SLC5A8: variants seen among roughly 807,000 people sequenced by gnomAD.
SLC5A8 encodes solute carrier family 5 member 8.
A neutral mutation model predicts 71.9 loss-of-function variants in SLC5A8; 55 were observed. That is an observed-to-expected ratio of 0.77 (90% CI 0.62 to 0.96). The LOEUF is 0.96. SLC5A8 is among the 40% of genes least tolerant of loss of function. The pLI is 0.00. For missense variants in SLC5A8, 701 were observed against 745.3 expected (o/e 0.94, Z 0.69); for synonymous variants, 307 against 276.1 (o/e 1.11, Z -1.11).
At chr12:101,198,490 GAGGGTA>G (rs1566323424) in intron 3 of SLC5A8, among the ~76,000 whole-genome samples, 1 of 151,906 alleles carries the variant, frequency 6.6e-6, no homozygotes, top group Non-Finnish European at 1.5e-5. Context: ...AGCATAACAA[GAGGGTA>G]TTATATGCAG....
chr12:101,193,857 G>A, intron 4 of SLC5A8, 78 bp from the exon 5 acceptor site: 1 of 1,398,804 alleles, frequency 7.1e-7, no homozygotes, highest in Admixed American at 2.2e-5. Flanking sequence ...CACTATACTG[G>A]AGAAAAATGA....
chr12:101,190,564 A>G lies in SLC5A8; in HGVS notation c.737T>C (p.Ile246Thr), dbSNP rs760081694. 1.2e-6 allele frequency: 2 copies of G among 1,613,242 alleles called. No individual in the cohort carries two copies. The highest frequency in any genetic ancestry group is 1.3e-5 in the African/African-American group (1 of 74,886). The change falls in exon 6 of 15, where the codon ATT becomes ACT. Residue 246 changes from isoleucine to threonine, a missense_variant. Ile to Thr is a moderately conservative substitution (Grantham distance 89, BLOSUM62 -1). Coordinates refer to ENST00000536262, the MANE Select transcript of SLC5A8 (RefSeq NM_145913.5). ...GGTCCATGTGAAGGTCCCTCCTATAATAATTGTCCAGAAGGTGTGTCTTTG... is the reference window on the plus strand; with the variant it reads ...GGTCCATGTGAAGGTCCCTCCTATAGTAATTGTCCAGAAGGTGTGTCTTTG... ...PLQRHTFWTI[I>T]IGGTFTWTSI...
intron 13 of SLC5A8, 86 bp from the exon 14 acceptor site, chr12:101,158,414 T>G: frequency 2.4e-6 from 2 of 832,482 alleles, no homozygotes; most frequent in South Asian, 3.2e-5. Flanking sequence ...GGCATTTAAC[T>G]TGTTCACGTT....
At chr12:101,168,977 A>T (rs1280246159) in intron 10 of SLC5A8, among the ~76,000 whole-genome samples, 1 of 152,204 alleles carries the variant, frequency 6.6e-6, no homozygotes, top group Non-Finnish European at 1.5e-5. Context: ...GGGAAATATT[A>T]GAGGAAATAG....
At chr12:101,173,002 G>A (rs1032903707) in intron 10 of SLC5A8, among the ~76,000 whole-genome samples, 11 of 152,112 alleles carry the variant, frequency 7.2e-5, no homozygotes, top group African/African-American at 2.7e-4. Context: ...CTTCCTCAGT[G>A]TGCACCAGCC....
intron 10 of SLC5A8, among the ~76,000 whole-genome samples, chr12:101,170,300 T>A (rs899385968): frequency 4.6e-5 from 7 of 152,224 alleles, no homozygotes; most frequent in Admixed American, 4.6e-4. Context: ...AAATTTTTTT[T>A]AATGAAGTAT....
intron 13 of SLC5A8, among the ~76,000 whole-genome samples, chr12:101,158,844 C>T (rs1209539567): frequency 3.4e-5 from 5 of 149,194 alleles, no homozygotes; most frequent in Non-Finnish European, 4.4e-5. Flanking sequence ...ATATACATGT[C>T]TATGAAGAAA....
intron 10 of SLC5A8, among the ~76,000 whole-genome samples, chr12:101,169,086 G>A (rs2051801831): frequency 6.6e-6 from 1 of 152,174 alleles, no homozygotes; most frequent in Non-Finnish European, 1.5e-5. Context: ...TTAAAAGGAT[G>A]CGGACTCAAG....
At chr12:101,208,674 T>C (rs992475779) in intron 1 of SLC5A8, among the ~76,000 whole-genome samples, 1 of 152,208 alleles carries the variant, frequency 6.6e-6, no homozygotes. Context: ...TGTCTTTCCA[T>C]AGAGAAGGCA....
intron 7 of SLC5A8, 55 bp from the exon 8 acceptor site, chr12:101,184,277 G>A: frequency 1.5e-6 from 2 of 1,374,402 alleles, no homozygotes; most frequent in Non-Finnish European, 1.0e-6. Context: ...TAAAATTAAT[G>A]AATGCCTAGT....
At chr12:101,164,748 C>G (rs994936419) in intron 12 of SLC5A8, among the ~76,000 whole-genome samples, 2 of 152,218 alleles carry the variant, frequency 1.3e-5, no homozygotes, top group African/African-American at 4.8e-5. Flanking sequence ...GGCAGACTTC[C>G]TCCTTCTGGC....
At chr12:101,164,513 G>A (rs1263831832) in intron 12 of SLC5A8, among the ~76,000 whole-genome samples, 1 of 152,170 alleles carries the variant, frequency 6.6e-6, no homozygotes, top group Non-Finnish European at 1.5e-5. Flanking sequence ...ACCTTCAGCT[G>A]GGTGGCTCAC....
chr12:101,178,988 G>A (rs1285558642), intron 10 of SLC5A8, among the ~76,000 whole-genome samples: 2 of 152,058 alleles, frequency 1.3e-5, no homozygotes, highest in South Asian at 2.1e-4. Flanking sequence ...ATTAGAACAT[G>A]AGCAAAAGAC....
chr12:101,162,036 T>G lies in SLC5A8; in HGVS notation c.1568A>C (p.Tyr523Ser). 1 of 1,613,770 alleles carries G rather than the reference T, an allele frequency of 6.2e-7. No individual in the cohort carries two copies. ...TACCAAAGTTCCAACAGTGCTGAAG[T>G]ACAGATATGATAAAGAATACCAGTT... ...MDNWYSLSYL[Y>S]FSTVGTLVTL... The change falls in exon 13 of 15, where the codon TAC becomes TCC. Residue 523 changes from tyrosine to serine, a missense_variant. Coordinates refer to ENST00000536262, the MANE Select transcript of SLC5A8 (RefSeq NM_145913.5).
chr12:101,193,775 C>A lies in SLC5A8; in HGVS notation c.542G>T (p.Gly181Val). 1 of 1,613,876 alleles carries A rather than the reference C, an allele frequency of 6.2e-7. No homozygotes were observed. The highest frequency in any genetic ancestry group is 8.5e-7 in the Non-Finnish European group (1 of 1,179,942). ...VVCTFYCTLG[G>V]LKAVIWTDVF... is the part of the protein sequence containing the mutation. ...ATCTGTCCAGATAACTGCTTTAAGA[C>A]CACCCTTTGAGGGGAAAGTATATTA... The change falls in exon 5 of 15, where the codon GGT becomes GTT. Residue 181 changes from glycine to valine, a missense_variant. Transcript: ENST00000536262.
At chr12:101,200,609 A>G (rs1869418619) in intron 3 of SLC5A8, among the ~76,000 whole-genome samples, 1 of 152,124 alleles carries the variant, frequency 6.6e-6, no homozygotes, top group South Asian at 2.1e-4. Flanking sequence ...TAAGAAATTA[A>G]TATTAATATT....
intron 10 of SLC5A8, among the ~76,000 whole-genome samples, chr12:101,175,139 A>G (rs144353342): frequency 1.5e-4 from 23 of 152,204 alleles, no homozygotes; most frequent in Admixed American, 1.3e-3. Flanking sequence ...TGAAACTGTT[A>G]CTCTGAACAA....
At chr12:101,167,348 A>C (rs1367097293) in intron 11 of SLC5A8, among the ~76,000 whole-genome samples, 1 of 152,150 alleles carries the variant, frequency 6.6e-6, no homozygotes, top group Non-Finnish European at 1.5e-5. Context: ...CCAATTCCTA[A>C]TGCCTTATAA....
rs187752911 is a variant in SLC5A8 at position 101,171,484 on chromosome 12, G to A, written c.1234-3302C>T. Reference sequence around the variant, plus strand: ...TGCGCTCCATGGTCAGTCAAATCTTGAGAAATGGATCTTCTGTAGGACGGT... The same window carrying A: ...TGCGCTCCATGGTCAGTCAAATCTTAAGAAATGGATCTTCTGTAGGACGGT... On this transcript the variant is annotated intron_variant, in intron 10 of 14. Transcript: ENST00000536262. 1.8e-4 allele frequency among the ~76,000 whole-genome samples: 27 copies of A among 152,324 alleles called. No homozygotes were observed. In the East Asian group the frequency reaches 4.2e-3, roughly 24 times the overall value.
Sources: allele counts gnomAD v4.1 joint callset (sites outside exome capture counted in the v4.1 genomes callset), GRCh38; gene constraint gnomAD v4.1.1; transcripts MANE v1.5; gene names NCBI Gene and HGNC (gene_info 2026-07-23, HGNC 2026-07-21).